Variants in DNM2 observed in about 807,000 individuals in gnomAD.
DNM2 encodes the protein dynamin 2.
A neutral mutation model predicts 99.0 loss-of-function variants in DNM2; 15 were observed. That is an observed-to-expected ratio of 0.15 (90% CI 0.10 to 0.23). The LOEUF is 0.23. Ranked by LOEUF, DNM2 falls within the 10% of genes least tolerant of loss-of-function variation. The probability of loss-of-function intolerance (pLI) is 1.00; values close to 1 mark genes in which losing one functional copy is unlikely to be tolerated. For missense variants in DNM2, 742 were observed against 1,189.4 expected (o/e 0.62, Z 5.53); for synonymous variants, 525 against 481.2 (o/e 1.09, Z -1.19).
intron 1 of DNM2, among the ~76,000 whole-genome samples, chr19:10,743,576 G>A (rs945167586): frequency 1.2e-4 from 18 of 151,688 alleles, no homozygotes; most frequent in South Asian, 4.2e-4. Flanking sequence ...TTTGGGAGGC[G>A]GAGGCAGGTG....
At position 10,812,088 on chromosome 19, in the gene DNM2, G is replaced by A. The variant is rs2072567698; in HGVS notation, c.1558-176G>A. 2 of 586,678 alleles carry A rather than the reference G, an allele frequency of 3.4e-6. No individual in the cohort carries two copies. Among genetic ancestry groups the A allele is most frequent in the East Asian group, 7.6e-5 (2 of 26,218 alleles). The allele number at this position is 586,678 out of a possible 1,614,324, so 36.3% of individuals were successfully genotyped here. ...ACCTGCCCAGGTGGCGCCTCATGTT[G>A]GTTTCCTGCTGGAAATGCTTGGGAC... On this transcript the variant is annotated intron_variant, in intron 14 of 20. Coordinates refer to ENST00000389253, the MANE Select transcript of DNM2 (RefSeq NM_001005361.3). This position sits in a 1 kb window ranked among gnomAD's most constrained non-coding sequence, Gnocchi z 4.0.
chr19:10,744,472 C>T (rs1438775923), intron 1 of DNM2, among the ~76,000 whole-genome samples: 1 of 152,090 alleles, frequency 6.6e-6, no homozygotes, highest in Non-Finnish European at 1.5e-5. Flanking sequence ...GGGAGAGTCT[C>T]GGGGTGGAGG....
At chr19:10,718,845 C>T (rs979678490) in intron 1 of DNM2, among the ~76,000 whole-genome samples, 1 of 152,136 alleles carries the variant, frequency 6.6e-6, no homozygotes, top group African/African-American at 2.4e-5. Context: ...CTGCCCCCGC[C>T]GTCTGGTTGG....
chr19:10,800,295 G>A (rs965971743), intron 11 of DNM2, among the ~76,000 whole-genome samples: 5 of 151,886 alleles, frequency 3.3e-5, no homozygotes, highest in African/African-American at 1.2e-4. Context: ...TGATGGGGAT[G>A]AAATGGGCTC....
intron 15 of DNM2, among the ~76,000 whole-genome samples, chr19:10,815,209 A>G (rs1258512271): frequency 1.3e-5 from 2 of 152,166 alleles, no homozygotes; most frequent in African/African-American, 4.8e-5. Flanking sequence ...ATAGTTTAAA[A>G]TGGCTGCCCC....
At chr19:10,814,036 C>A (rs80276396) in intron 15 of DNM2, among the ~76,000 whole-genome samples, 7,928 of 152,116 alleles carry the variant, frequency 0.052, 532 homozygotes, top group East Asian at 0.36. Context: ...GTGGCGCACG[C>A]TTGTAATCCT....
intron 1 of DNM2, among the ~76,000 whole-genome samples, chr19:10,745,849 G>A (rs570818120): frequency 4.6e-5 from 7 of 152,330 alleles, no homozygotes; most frequent in Non-Finnish European, 1.0e-4. Flanking sequence ...CCTGGTAACC[G>A]GAGATAGCCA....
chr19:10,762,141 C>A (rs2070654686), intron 2 of DNM2, among the ~76,000 whole-genome samples: 2 of 152,262 alleles, frequency 1.3e-5, no homozygotes, highest in Admixed American at 1.3e-4. Context: ...CTTCCAAGTT[C>A]AAGCAATTCT....
At chr19:10,825,674 AAGAG>A (rs561156273) in intron 18 of DNM2, among the ~76,000 whole-genome samples, 23 of 139,134 alleles carry the variant, frequency 1.7e-4, no homozygotes, top group Admixed American at 9.3e-4. Context: ...GTCTCAAGAA[AAGAG>A]AGAGAGAGAG....
intron 14 of DNM2, chr19:10,810,704 A>C (rs2072510326): frequency 6.6e-6 from 1 of 151,846 alleles, no homozygotes; most frequent in Non-Finnish European, 1.5e-5. Flanking sequence ...GAGGCCTCAC[A>C]TTTCTCTGGG....
chr19:10,787,469 T>TA (rs1475036181), intron 7 of DNM2, among the ~76,000 whole-genome samples: 1 of 140,162 alleles, frequency 7.1e-6, no homozygotes, highest in African/African-American at 2.7e-5. Flanking sequence ...AGACTCTGTT[T>TA]AAAAAAAAGA....
chr19:10,736,926 C>A (rs1466940402), intron 1 of DNM2, among the ~76,000 whole-genome samples: 6 of 152,144 alleles, frequency 3.9e-5, no homozygotes, highest in African/African-American at 1.4e-4. Context: ...GTGGAAGGAT[C>A]TCTTGAGCCC....
rs1271073452 is a variant in DNM2 at position 10,758,283 on chromosome 19, CTCCT to C, written c.162-1447_162-1444del. On this transcript the variant is annotated intron_variant, in intron 1 of 20. Transcript: ENST00000389253. ...CTTCCTTCCCTCCTTCCTTCCCTCC[CTCCT>C]TCCTTCCCTCCCTCCTTCCCTCCCT... Among the ~76,000 whole-genome samples, 212 of 131,798 alleles carry C rather than the reference CTCCT, an allele frequency of 1.6e-3. 1 individual carries two copies. The highest frequency in any genetic ancestry group is 5.8e-3 in the African/African-American group (196 of 33,834). 86.5% of individuals were successfully genotyped at this position (131,798 alleles called of 152,430 possible).
rs914147002 is a variant in DNM2 at position 10,830,970 on chromosome 19, C to G, written c.2544-8C>G. The G allele has an allele frequency of 3.7e-6, 6 of 1,611,204 alleles. No homozygotes were observed. The highest frequency in any genetic ancestry group is 1.3e-5 in the African/African-American group (1 of 74,822). On this transcript the variant is annotated splice_polypyrimidine_tract_variant and splice_region_variant and intron_variant, in intron 20 of 20. Coordinates refer to ENST00000389253, the MANE Select transcript of DNM2 (RefSeq NM_001005361.3). The surrounding 1 kb of genome is among the most constrained non-coding windows in gnomAD (Gnocchi z 4.8). Reference sequence around the variant, plus strand: ...CCCCCTCCCCACCTGTCTTTATTCTCTTTGCAGCAGAAGACCCCCTGCTGC... The same window carrying G: ...CCCCCTCCCCACCTGTCTTTATTCTGTTTGCAGCAGAAGACCCCCTGCTGC...
intron 11 of DNM2, among the ~76,000 whole-genome samples, chr19:10,799,365 C>T (rs1278579026): frequency 6.6e-6 from 1 of 152,078 alleles, no homozygotes; most frequent in African/African-American, 2.4e-5. Context: ...TTCTTCCCTC[C>T]CTCCCTCCCC....
chr19:10,784,451 C>T (rs1372326892), intron 6 of DNM2, among the ~76,000 whole-genome samples: 1 of 152,176 alleles, frequency 6.6e-6, no homozygotes, highest in East Asian at 1.9e-4. Context: ...AGTAAAACTC[C>T]GCAGCTGGCT....
chr19:10,789,105 G>A (rs866448235), intron 7 of DNM2, among the ~76,000 whole-genome samples: 1 of 152,190 alleles, frequency 6.6e-6, no homozygotes, highest in Non-Finnish European at 1.5e-5. Context: ...GGCTGAGGCA[G>A]GAGAATCGCT....
At chr19:10,822,490 C>G (rs2073007428) in intron 16 of DNM2, among the ~76,000 whole-genome samples, 1 of 151,708 alleles carries the variant, frequency 6.6e-6, no homozygotes, top group Admixed American at 6.6e-5. Flanking sequence ...CATGCCTAAA[C>G]TTTACAAAAA....
At chr19:10,767,008 G>A (rs1169636443) in intron 2 of DNM2, among the ~76,000 whole-genome samples, 3 of 152,102 alleles carry the variant, frequency 2.0e-5, no homozygotes, top group Admixed American at 6.6e-5. Flanking sequence ...GCAGTTTGCC[G>A]AGGAATTACA....
Sources: gnomAD v4.1 joint callset for allele counts (sites outside exome capture counted in the v4.1 genomes callset) on GRCh38, gnomAD v4.1.1 for gene constraint, Gnocchi (gnomAD v3.1) non-coding constraint, MANE v1.5 for transcripts, NCBI Gene and HGNC (gene_info 2026-07-23, HGNC 2026-07-21) for gene names.